The following CCDC154 variants were observed in gnomAD, a reference collection of about 807,000 sequenced individuals.
The protein encoded by CCDC154 is coiled-coil domain-containing protein 154.
A neutral mutation model predicts 87.5 loss-of-function variants in CCDC154; 91 were observed. The ratio of observed to expected loss-of-function variants is 1.04; its 90% CI spans 0.88 to 1.24. CCDC154 has a LOEUF of 1.24. Ranked by LOEUF, CCDC154 falls within the 50% of genes most tolerant of loss-of-function variation. CCDC154 has a pLI of 0.00. For synonymous variants in CCDC154, 418 were observed against 400.4 expected (o/e 1.04, Z -0.52); for missense variants, 903 against 879.2 (o/e 1.03, Z -0.34).
Position 1,442,505 on chromosome 16 carries a change from C to T in CCDC154, c.576G>A (p.Leu192=). The change falls in exon 6 of 17, where the codon CTG becomes CTA. Residue 192 remains leucine (L), a synonymous_variant. Transcript: ENST00000389176. ...GLRLAKLTDL[L]QQEEQGREVA... ...CCTCCCGGCCCTGCTCCTCCTGCTGCAGCAAGTCGGTCAGCTTGGCCAGTC... is the reference window on the plus strand; with the variant it reads ...CCTCCCGGCCCTGCTCCTCCTGCTGTAGCAAGTCGGTCAGCTTGGCCAGTC... 1 of 1,547,934 alleles carries T rather than the reference C, an allele frequency of 6.5e-7. No homozygotes were observed. Among genetic ancestry groups the T allele is most frequent in the South Asian group, 1.2e-5 (1 of 83,716 alleles).
At position 1,442,880 on chromosome 16, in the gene CCDC154, C is replaced by T. The variant is rs1438276463; in HGVS notation, c.551G>A (p.Arg184Lys). 1.3e-6 allele frequency: 2 copies of T among 1,548,650 alleles called. No individual in the cohort carries two copies. Among genetic ancestry groups the T allele is most frequent in the Non-Finnish European group, 1.7e-6 (2 of 1,146,528 alleles). ...RRGAEQEAGL[R>K]LAKLTDLLQQ... Reference sequence around the variant, plus strand: ...CCAGCCACGGGCGGTGGGCGCCCACCTGAGGCCGGCCTCTTGCTCGGCGCC... The same window carrying T: ...CCAGCCACGGGCGGTGGGCGCCCACTTGAGGCCGGCCTCTTGCTCGGCGCC... Residue 184 changes from arginine (R) to lysine (K), a missense_variant and splice_region_variant, in exon 5 of 17, where the codon AGA becomes AAA. Coordinates refer to ENST00000389176, the MANE Select transcript of CCDC154 (RefSeq NM_001143980.3).
chr16:1,443,759 G>A (rs1452224650), intron 2 of CCDC154, 37 bp downstream of exon 2: 22 of 1,303,514 alleles, frequency 1.7e-5, no homozygotes, highest in East Asian at 5.5e-5. Context: ...CGGCGGCGAC[G>A]TGGTCCTCCC....
chr16:1,440,806 C>G (rs1270705397), intron 6 of CCDC154, among the ~76,000 whole-genome samples: 3 of 151,898 alleles, frequency 2.0e-5, no homozygotes, highest in African/African-American at 7.3e-5. Flanking sequence ...AAAAAATTAG[C>G]CGGGCGTGGT....
chr16:1,443,539 C>T lies in CCDC154; in HGVS notation c.381G>A (p.Pro127=), dbSNP rs916879733. ...CCTCCTTTTCGGGGGCCTGGGCTGC[C>T]GGCCGCGCCTCCTGCTGCAACTGCC... ...ELRQLQQEAR[P]AAQAPEKEAP... The change falls in exon 3 of 17, where the codon CCG becomes CCA. Residue 127 remains proline (P), a synonymous_variant. Coordinates refer to ENST00000389176, the MANE Select transcript of CCDC154 (RefSeq NM_001143980.3). 19 of 1,474,972 alleles carry T rather than the reference C, an allele frequency of 1.3e-5. No homozygotes were observed. The highest frequency in any genetic ancestry group is 2.4e-4 in the Middle Eastern group (1 of 4,128). The allele number at this position is 1,474,972 out of a possible 1,614,324, so 91.4% of individuals were successfully genotyped here.
chr16:1,435,457 C>A (rs1293498532), intron 14 of CCDC154: 1 of 551,686 alleles, frequency 1.8e-6, no homozygotes, highest in African/African-American at 1.9e-5. Context: ...GGTGCCTCCA[C>A]TTAGAACTGC....
At chr16:1,437,211 C>A in intron 11 of CCDC154, 1 of 227,854 alleles carries the variant, frequency 4.4e-6, no homozygotes, top group Non-Finnish European at 8.7e-6. Context: ...TGAAGCTCTG[C>A]GCACGAGGCC....
At chr16:1,441,028 AG>A (rs1244191123) in intron 6 of CCDC154, among the ~76,000 whole-genome samples, 1 of 151,540 alleles carries the variant, frequency 6.6e-6, no homozygotes, top group Non-Finnish European at 1.5e-5. Context: ...CTAAGGCAAG[AG>A]GATCACTTGA....
At chr16:1,438,570 C>T (rs1394904879) in intron 9 of CCDC154, 49 bp downstream of exon 9, 3 of 1,489,306 alleles carry the variant, frequency 2.0e-6, no homozygotes, top group African/African-American at 1.4e-5. Context: ...CTGAGTGGGA[C>T]ATCAGGGGTC....
At position 1,443,526 on chromosome 16, in the gene CCDC154, G is replaced by C. The variant is rs1459645699; in HGVS notation, c.394C>G (p.Pro132Ala). Residue 132 changes from proline to alanine, a missense_variant, in exon 3 of 17, where the codon CCC becomes GCC. Transcript: ENST00000389176. ...QQEARPAAQA[P>A]EKEAPEFSGL... ...CTCACCTCCGGCGCCTCCTTTTCGG[G>C]GGCCTGGGCTGCCGGCCGCGCCTCC... 1 of 1,476,310 alleles carries C rather than the reference G, an allele frequency of 6.8e-7. No individual in the cohort carries two copies. The highest frequency in any genetic ancestry group is 2.5e-5 in the Admixed American group (1 of 40,792). 91.5% of individuals were successfully genotyped at this position (1,476,310 alleles called of 1,614,324 possible). A position where few individuals can be genotyped will look rare whatever the true frequency, so the allele number is the denominator to read the frequency against.
In CCDC154 at chr16:1,442,941, T is replaced by C. The variant is rs746585222; in HGVS notation, c.490A>G (p.Arg164Gly). 5 of 1,537,420 alleles carry C rather than the reference T, an allele frequency of 3.3e-6. No individual in the cohort carries two copies. In the East Asian group the frequency reaches 7.6e-5, roughly 23 times the overall value. The change falls in exon 5 of 17, where the codon AGG becomes GGG. Residue 164 changes from arginine to glycine, a missense_variant. Transcript: ENST00000389176. Reference sequence around the variant, plus strand: ...GCCTCCTGTTGCACCTGCCTCCTCCTGAGCCGGGTCAAGGCTTCCCGGACC... The same window carrying C: ...GCCTCCTGTTGCACCTGCCTCCTCCCGAGCCGGGTCAAGGCTTCCCGGACC... ...VEVREALTRL[R>G]RRQVQQEAER...
rs1360091006 is a variant in CCDC154, at chr16:1,434,534, C to T, written c.1878G>A (p.Arg626=). Residue 626 remains arginine, a splice_region_variant and synonymous_variant, in exon 17 of 17, where the codon AGG becomes AGA. Transcript: ENST00000389176. ...MNCWGVYQAV[R]WLRWKASLIK... Reference sequence around the variant, plus strand: ...TGAGGGACGCCTTCCAGCGCAGCCACCTGTCCAGAGATGCGGCACATGGCC... The same window carrying T: ...TGAGGGACGCCTTCCAGCGCAGCCATCTGTCCAGAGATGCGGCACATGGCC... 5.8e-6 allele frequency: 9 copies of T among 1,545,352 alleles called. No homozygotes were observed. Among genetic ancestry groups the T allele is most frequent in the Admixed American group, 2.0e-5 (1 of 50,914 alleles).
chr16:1,436,115 G>A, intron 13 of CCDC154, 29 bp from the exon 14 acceptor site: 1 of 1,535,742 alleles, frequency 6.5e-7, no homozygotes. Flanking sequence ...GAGGCTGGCT[G>A]TCGGGTGTGC....
rs547602890 is a variant in CCDC154 at position 1,442,887 on chromosome 16, C to T, written c.544G>A (p.Gly182Ser). 79 of 1,549,040 alleles carry T rather than the reference C, an allele frequency of 5.1e-5. No homozygotes were observed. Among genetic ancestry groups the T allele is most frequent in the Middle Eastern group, 1.7e-4 (1 of 5,978 alleles). The change falls in exon 5 of 17, where the codon GGC becomes AGC. Residue 182 changes from glycine to serine, a missense_variant. Physicochemically the swap from Gly to Ser is moderately conservative, Grantham distance 56 (BLOSUM62 0). Coordinates refer to ENST00000389176, the MANE Select transcript of CCDC154 (RefSeq NM_001143980.3). ...AERRGAEQEA[G>S]LRLAKLTDLL... ...CGGGCGGTGGGCGCCCACCTGAGGCCGGCCTCTTGCTCGGCGCCCCTTCTC... is the reference window on the plus strand; with the variant it reads ...CGGGCGGTGGGCGCCCACCTGAGGCTGGCCTCTTGCTCGGCGCCCCTTCTC...
Position 1,434,866 on chromosome 16 carries a change from A to G in CCDC154, c.1693-14T>C. On this transcript the variant is annotated splice_polypyrimidine_tract_variant and intron_variant, in intron 15 of 16. Transcript: ENST00000389176. ...CTCCTGCGTGCGCTGTGGGACGGGG[A>G]TGCTGGTGTCACCCAGGAGCCAGAC... The G allele has an allele frequency of 6.7e-7, 1 of 1,484,576 alleles. No individual in the cohort carries two copies. The allele number at this position is 1,484,576 out of a possible 1,614,324, so 92.0% of individuals were successfully genotyped here.
chr16:1,435,277 G>A (rs1399956170), intron 14 of CCDC154, 102 bp from the exon 15 acceptor site: 23 of 1,024,082 alleles, frequency 2.2e-5, no homozygotes, highest in East Asian at 1.3e-4. Context: ...TACAGCTTGG[G>A]CAGGGGCCAC....
intron 5 of CCDC154, 95 bp from the exon 6 acceptor site, chr16:1,442,624 AC>A: frequency 7.4e-7 from 1 of 1,351,484 alleles, no homozygotes; most frequent in Non-Finnish European, 9.8e-7. Flanking sequence ...GAGGTGTACG[AC>A]CCCCGCCCCC....
intron 15 of CCDC154, 24 bp downstream of exon 15, chr16:1,435,065 G>A: frequency 6.5e-7 from 1 of 1,544,166 alleles, no homozygotes; most frequent in Non-Finnish European, 8.7e-7. Flanking sequence ...GCTGGGCGGT[G>A]CCGGCCGGGC....
rs761292635 is a variant in CCDC154, at chr16:1,434,817, C to T, written c.1728G>A (p.Val576=). The change falls in exon 16 of 17, where the codon GTG becomes GTA. Residue 576 remains valine (V), a synonymous_variant. Transcript: ENST00000389176. ...GGCCCTCCTCACTCCACAGCCGGAG[C>T]ACACTCTCCCACAGGGTGGCCATCT... The part of the protein sequence containing the change: ...TQEMATLWES[V]LRLWSEEGPR... 1.3e-6 allele frequency: 2 copies of T among 1,531,370 alleles called. No homozygotes were observed. Among genetic ancestry groups the T allele is most frequent in the South Asian group, 1.2e-5 (1 of 82,584 alleles). The allele number at this position is 1,531,370 out of a possible 1,614,324, so 94.9% of individuals were successfully genotyped here.
chr16:1,437,999 TCC>T, intron 10 of CCDC154, 45 bp from the exon 11 acceptor site: 1 of 1,536,884 alleles, frequency 6.5e-7, no homozygotes, highest in Non-Finnish European at 8.8e-7. Context: ...TGAGCGCCCA[TCC>T]CGTGTGCGTG....
Sources: allele counts gnomAD v4.1 joint callset (sites outside exome capture counted in the v4.1 genomes callset), GRCh38; gene constraint gnomAD v4.1.1; transcripts MANE v1.5; gene names NCBI Gene and HGNC (gene_info 2026-07-23, HGNC 2026-07-21).